Variants in IL4R observed in about 807,000 individuals in gnomAD.
IL4R encodes the protein interleukin-4 receptor subunit alpha.
IL4R carries 17 observed loss-of-function variants against 41.5 expected under a neutral mutation model. That is an observed-to-expected ratio of 0.41 (90% confidence interval 0.28 to 0.61). The LOEUF (loss-of-function observed/expected upper bound fraction) is 0.61. Among genes scored for constraint, IL4R ranks in the 20% least tolerant of loss-of-function variants. IL4R has a pLI of 0.31. For missense variants in IL4R, 974 were observed against 1,043.1 expected, an observed-to-expected ratio of 0.93 and a Z score of 0.91; for synonymous variants, 402 against 422.9, an observed-to-expected ratio of 0.95 and a Z score of 0.61.
chr16:27,349,677 A>G (rs1249781597), intron 6 of IL4R, among the ~76,000 whole-genome samples: 1 of 152,180 alleles, frequency 6.6e-6, no homozygotes, highest in Non-Finnish European at 1.5e-5. Flanking sequence ...TGGTTTCCAT[A>G]TTTTATATGC....
chr16:27,324,170 GAC>G (rs1191247420), intron 1 of IL4R, among the ~76,000 whole-genome samples: 7 of 152,326 alleles, frequency 4.6e-5, no homozygotes, highest in Admixed American at 6.5e-5. Flanking sequence ...CTGTCACTAA[GAC>G]AGTCAAAATC....
intron 8 of IL4R, 133 bp downstream of exon 8, chr16:27,356,040 T>C: frequency 1.6e-6 from 1 of 629,934 alleles, no homozygotes; most frequent in South Asian, 1.8e-5. Context: ...CTACACACCT[T>C]GAGAGTAGAG....
chr16:27,328,205 C>CACAAAAAAAAA (rs2085015585), intron 1 of IL4R, among the ~76,000 whole-genome samples: 1 of 70,480 alleles, frequency 1.4e-5, no homozygotes, highest in Non-Finnish European at 2.8e-5. Context: ...GGCTCCATCT[C>CACAAAAAAAAA]AAAAAAAAAA....
At chr16:27,323,021 C>T (rs1234720987) in intron 1 of IL4R, among the ~76,000 whole-genome samples, 1 of 152,078 alleles carries the variant, frequency 6.6e-6, no homozygotes, top group African/African-American at 2.4e-5. Flanking sequence ...ACAAAGGTGG[C>T]CCCCATGTCT....
rs2086378315 is a variant in IL4R, at chr16:27,363,427, C to T, written c.2075C>T (p.Pro692Leu). The T allele has an allele frequency of 6.2e-7, 1 of 1,614,128 alleles. No homozygotes were observed. The highest frequency in any genetic ancestry group is 8.5e-7 in the Non-Finnish European group (1 of 1,180,014). Reference protein sequence around the residue: ...PGEKVEDMPKPPLPQEQATDP... With the variant: ...PGEKVEDMPKLPLPQEQATDP... ...GAAAAGGTAGAGGACATGCCAAAGC[C>T]CCCACTTCCCCAGGAGCAGGCCACA... The change falls in exon 11 of 11, where the codon CCC (proline) becomes CTC (leucine). Residue 692 changes from proline to leucine, a missense_variant. Physicochemically the swap from Pro to Leu is moderately conservative, Grantham distance 98 (BLOSUM62 -3). This residue lies in a region of IL4R where 682 missense variants were observed against 704.3 expected (regional missense o/e 0.97). Transcript: ENST00000395762.
chr16:27,350,186 T>C (rs1295699656), intron 6 of IL4R, among the ~76,000 whole-genome samples: 1 of 152,230 alleles, frequency 6.6e-6, no homozygotes, highest in Non-Finnish European at 1.5e-5. Context: ...AAGTAGTTCT[T>C]TGGAAGCTCA....
At chr16:27,315,465 G>A (rs1372462559) in intron 1 of IL4R, 2 of 152,510 alleles carry the variant, frequency 1.3e-5, no homozygotes, top group Non-Finnish European at 2.9e-5. Context: ...CTGGGAGGGT[G>A]CGGATGCACC....
chr16:27,314,539 C>G (rs2084574917), intron 1 of IL4R, among the ~76,000 whole-genome samples: 1 of 152,232 alleles, frequency 6.6e-6, no homozygotes, highest in Admixed American at 6.5e-5. Context: ...TGAAAGGATG[C>G]CAAGTGAAAC....
intron 4 of IL4R, among the ~76,000 whole-genome samples, chr16:27,343,744 T>A (rs2085520760): frequency 6.6e-6 from 1 of 152,168 alleles, no homozygotes; most frequent in South Asian, 2.1e-4. Context: ...TTTATCTTAA[T>A]TGAAATAATT....
At chr16:27,325,263 C>T (rs2084926439) in intron 1 of IL4R, among the ~76,000 whole-genome samples, 2 of 152,060 alleles carry the variant, frequency 1.3e-5, no homozygotes, top group Admixed American at 6.6e-5. Flanking sequence ...TCCCTCACCC[C>T]GCCCTCTCAT....
chr16:27,343,788 C>CTTA (rs2085521534), intron 4 of IL4R, among the ~76,000 whole-genome samples: 1 of 152,098 alleles, frequency 6.6e-6, no homozygotes, highest in African/African-American at 2.4e-5. Flanking sequence ...CATGTTCTCA[C>CTTA]TTATAAGTAA....
intron 2 of IL4R, among the ~76,000 whole-genome samples, chr16:27,339,312 C>T (rs996232016): frequency 2.6e-5 from 4 of 152,084 alleles, no homozygotes; most frequent in South Asian, 2.1e-4. Flanking sequence ...TAGAGCAATA[C>T]GTTTCTGTTC....
intron 1 of IL4R, among the ~76,000 whole-genome samples, chr16:27,320,048 G>A (rs1293988686): frequency 1.3e-5 from 2 of 152,058 alleles, no homozygotes; most frequent in African/African-American, 2.4e-5. Context: ...TGTATTTTTA[G>A]TAGAGACAGG....
At chr16:27,336,732 G>A (rs1025209457) in intron 2 of IL4R, among the ~76,000 whole-genome samples, 3 of 151,440 alleles carry the variant, frequency 2.0e-5, no homozygotes, top group Non-Finnish European at 3.0e-5. Flanking sequence ...CCAGGTGGAG[G>A]GGACAGAGAG....
In IL4R at chr16:27,352,829, A is replaced by G. The variant is rs561657022; in HGVS notation, c.670+133A>G. 4.4e-5 allele frequency: 39 copies of G among 893,858 alleles called. No individual in the cohort carries two copies. The East Asian group carries it at 9.8e-4, about 22-fold the overall frequency. 55.4% of individuals were successfully genotyped at this position (893,858 alleles called of 1,614,324 possible). A position where few individuals can be genotyped will look rare whatever the true frequency, so the allele number is the denominator to read the frequency against. ...TCTAATGGCAATCCTGCCATTAGATACACCTGCCGTGGTGTATCTGCCAGG... is the reference window on the plus strand; with the variant it reads ...TCTAATGGCAATCCTGCCATTAGATGCACCTGCCGTGGTGTATCTGCCAGG... On this transcript the variant is annotated intron_variant, in intron 7 of 10. Transcript: ENST00000395762.
intron 10 of IL4R, chr16:27,361,100 A>C: frequency 8.0e-7 from 1 of 1,254,742 alleles, no homozygotes; most frequent in African/African-American, 1.5e-5. Flanking sequence ...TCTTGACCTA[A>C]TTGTATACTT....
chr16:27,337,554 C>T (rs188519599), intron 2 of IL4R, among the ~76,000 whole-genome samples: 1 of 151,260 alleles, frequency 6.6e-6, no homozygotes, highest in Admixed American at 6.6e-5. Flanking sequence ...CCAGCGCGTG[C>T]TGTTTTCTTT....
At chr16:27,350,887 C>A (rs2085844906) in intron 6 of IL4R, among the ~76,000 whole-genome samples, 1 of 152,158 alleles carries the variant, frequency 6.6e-6, no homozygotes, top group Non-Finnish European at 1.5e-5. Flanking sequence ...GCATGTGCAT[C>A]CTTTAGAGAG....
Position 27,363,447 on chromosome 16 carries a change from G to T in IL4R, c.2095G>T (p.Ala699Ser), listed in dbSNP as rs2086379693. The part of the protein sequence containing the change: ...MPKPPLPQEQ[A>S]TDPLVDSLGS... ...AAAGCCCCCACTTCCCCAGGAGCAG[G>T]CCACAGACCCCCTTGTGGACAGCCT... Residue 699 changes from alanine (A) to serine (S), a missense_variant, in exon 11 of 11, where the codon GCC becomes TCC. Around this residue, in one of 3 missense-constraint regions of IL4R, gnomAD observed 682 missense variants for 704.3 expected, o/e 0.97. Coordinates refer to ENST00000395762, the MANE Select transcript of IL4R (RefSeq NM_000418.4). The T allele has an allele frequency of 6.2e-7, 1 of 1,613,942 alleles. No individual in the cohort carries two copies. The highest frequency in any genetic ancestry group is 1.3e-5 in the African/African-American group (1 of 74,906).
Sources: gnomAD v4.1 joint callset for allele counts (sites outside exome capture counted in the v4.1 genomes callset) on GRCh38, gnomAD v4.1.1 for gene constraint, gnomAD v4.1.1 regional missense constraint, MANE v1.5 for transcripts, NCBI Gene and HGNC (gene_info 2026-07-23, HGNC 2026-07-21) for gene names.